KIF26B: variants seen among roughly 807,000 people sequenced by gnomAD.
The protein encoded by KIF26B is kinesin family member 26B.
In KIF26B, 63 loss-of-function variants were observed where a neutral mutation model predicts 151.2. That is an observed-to-expected ratio of 0.42 (90% CI 0.34 to 0.51). The LOEUF is 0.51. KIF26B is among the 20% of genes least tolerant of loss of function. The pLI is 0.07. For synonymous variants in KIF26B, 1,357 were observed against 1,262.1 expected, an observed-to-expected ratio of 1.08 and a Z score of -1.59; for missense variants, 2,813 against 2,913.6, an observed-to-expected ratio of 0.97 and a Z score of 0.79.
At chr1:245,524,414 T>A (rs1231855075) in intron 4 of KIF26B, among the ~76,000 whole-genome samples, 2 of 152,218 alleles carry the variant, frequency 1.3e-5, no homozygotes, top group Non-Finnish European at 2.9e-5. Context: ...GTTTTATTAT[T>A]CTTACCCAAT....
Position 245,687,284 on chromosome 1 carries a change from A to G in KIF26B, c.4301A>G (p.Glu1434Gly). The G allele has an allele frequency of 6.2e-7, 1 of 1,610,130 alleles. No homozygotes were observed. The change falls in exon 12 of 15, where the codon GAG (glutamate) becomes GGG (glycine). Residue 1434 changes from glutamate (E) to glycine (G), a missense_variant. Around this residue, in one of 3 missense-constraint regions of KIF26B, gnomAD observed 2,060 missense variants for 2,088.6 expected, o/e 0.99. Coordinates refer to ENST00000407071, the MANE Select transcript of KIF26B (RefSeq NM_018012.4). The surrounding 1 kb of genome is among the most constrained non-coding windows in gnomAD (Gnocchi z 4.9). ...AGTAAGGAAAACAGTGCAAAGAAAG[A>G]GATGAAATTTGAGGACCCGTGGCTG... ...RESKENSAKK[E>G]MKFEDPWLKR...
chr1:245,559,558 CACGCCCCCACACCTGCCTA>C (rs1166612802), intron 5 of KIF26B, among the ~76,000 whole-genome samples: 1 of 151,920 alleles, frequency 6.6e-6, no homozygotes, highest in Non-Finnish European at 1.5e-5. Context: ...GAGACAGGCG[CACGCCCCCACACCTGCCTA>C]ATTTTTTGTA....
At chr1:245,203,102 C>T (rs1669334038) in intron 2 of KIF26B, among the ~76,000 whole-genome samples, 1 of 151,542 alleles carries the variant, frequency 6.6e-6, no homozygotes, top group Non-Finnish European at 1.5e-5. Flanking sequence ...CAAAAATTAG[C>T]CAGGCATGGT....
At position 245,355,610 on chromosome 1, in the gene KIF26B, AAAG is replaced by A. The variant is rs896551223; in HGVS notation, c.466-11209_466-11207del. On this transcript the variant is annotated intron_variant, in intron 2 of 14. Transcript: ENST00000407071. ...GACCCTGTCTCAAAAAAAAAAAAAAAAAGAAGAAGAAGAAGAAAGAATTTAAAA... is the reference window on the plus strand; with the variant it reads ...GACCCTGTCTCAAAAAAAAAAAAAAAAAGAAGAAGAAGAAAGAATTTAAAA... 4.4e-3 allele frequency among the ~76,000 whole-genome samples: 560 copies of A among 125,920 alleles called. 4 individuals carry two copies. The highest frequency in any genetic ancestry group is 4.8e-3 in the African/African-American group (88 of 18,276). 82.6% of individuals were successfully genotyped at this position (125,920 alleles called of 152,430 possible).
intron 10 of KIF26B, among the ~76,000 whole-genome samples, chr1:245,661,865 TACATACAC>T (rs2044145130): frequency 2.0e-5 from 3 of 149,354 alleles, no homozygotes; most frequent in African/African-American, 7.4e-5. Context: ...CCCTATGATA[TACATACAC>T]ACATACCCCC....
chr1:245,526,257 C>G (rs1661233356), intron 4 of KIF26B, among the ~76,000 whole-genome samples: 1 of 152,152 alleles, frequency 6.6e-6, no homozygotes, highest in South Asian at 2.1e-4. Context: ...GCAAACACTC[C>G]AGCCCAGGTA....
chr1:245,574,717 C>T (rs1030906150), intron 5 of KIF26B, among the ~76,000 whole-genome samples: 5 of 152,138 alleles, frequency 3.3e-5, no homozygotes, highest in African/African-American at 7.2e-5. Context: ...TGACTAACAT[C>T]GTGGGTGTGA....
At chr1:245,314,245 T>C (rs1294179717) in intron 2 of KIF26B, among the ~76,000 whole-genome samples, 1 of 151,738 alleles carries the variant, frequency 6.6e-6, no homozygotes, top group Non-Finnish European at 1.5e-5. Flanking sequence ...GTCAGGAGCT[T>C]GAGACCAGCC....
chr1:245,241,007 C>A lies in KIF26B; in HGVS notation c.465+84324C>A, dbSNP rs1444832321. 6.6e-6 allele frequency among the ~76,000 whole-genome samples: 1 copy of A among 152,216 alleles called. No homozygotes were observed. Among genetic ancestry groups the A allele is most frequent in the Admixed American group, 6.5e-5 (1 of 15,286 alleles). ...CCCGCCCAGGGATCATGGATCTCCACCTTTTCCTACTCTTGGGTCTCACAG... is the reference window on the plus strand; with the variant it reads ...CCCGCCCAGGGATCATGGATCTCCAACTTTTCCTACTCTTGGGTCTCACAG... On this transcript the variant is annotated intron_variant, in intron 2 of 14. Transcript: ENST00000407071. This position sits in a 1 kb window ranked among gnomAD's most constrained non-coding sequence, Gnocchi z 5.0.
chr1:245,159,122 G>A (rs1668494358), intron 2 of KIF26B, among the ~76,000 whole-genome samples: 1 of 152,156 alleles, frequency 6.6e-6, no homozygotes. Context: ...CCAACATGCA[G>A]TTCGCTCAGT....
chr1:245,679,441 T>G (rs1375861906), intron 10 of KIF26B, among the ~76,000 whole-genome samples: 4 of 148,128 alleles, frequency 2.7e-5, no homozygotes, highest in African/African-American at 7.5e-5. Context: ...GGGTTTTTTG[T>G]GTTTTTTTTG....
chr1:245,579,251 C>T (rs1255827851), intron 5 of KIF26B, among the ~76,000 whole-genome samples: 2 of 152,102 alleles, frequency 1.3e-5, no homozygotes, highest in African/African-American at 4.8e-5. Flanking sequence ...AAACGAAGAA[C>T]ATTCTGGAAA....
chr1:245,344,006 G>T (rs1014202582), intron 2 of KIF26B, among the ~76,000 whole-genome samples: 1 of 152,092 alleles, frequency 6.6e-6, no homozygotes, highest in South Asian at 2.1e-4. Flanking sequence ...TGCAGGTAGG[G>T]CTCTGGCCTT....
At chr1:245,383,314 C>T (rs937443650) in intron 3 of KIF26B, among the ~76,000 whole-genome samples, 3 of 151,838 alleles carry the variant, frequency 2.0e-5, no homozygotes, top group East Asian at 1.9e-4. Flanking sequence ...TTTAGAAAAC[C>T]GAGGCATCCC....
intron 4 of KIF26B, among the ~76,000 whole-genome samples, chr1:245,433,637 G>A (rs778113439): frequency 6.6e-6 from 1 of 152,014 alleles, no homozygotes; most frequent in African/African-American, 2.4e-5. Context: ...TTTCAACACA[G>A]TTAGACTCAG....
chr1:245,350,477 C>CCT (rs1672544499), intron 2 of KIF26B, among the ~76,000 whole-genome samples: 1 of 152,162 alleles, frequency 6.6e-6, no homozygotes, highest in South Asian at 2.1e-4. Flanking sequence ...ATTCCAGTCT[C>CCT]ATCCCAGTGC....
At chr1:245,639,924 G>T (rs2043870834) in intron 9 of KIF26B, among the ~76,000 whole-genome samples, 1 of 151,526 alleles carries the variant, frequency 6.6e-6, no homozygotes. Context: ...TGAGAAGAAT[G>T]TGTATTTTGT....
intron 10 of KIF26B, among the ~76,000 whole-genome samples, chr1:245,665,337 CT>C (rs984364175): frequency 4.1e-4 from 63 of 152,212 alleles, no homozygotes; most frequent in African/African-American, 1.4e-3. Context: ...AACTGGAGTA[CT>C]TTTTTTGTAG....
intron 2 of KIF26B, among the ~76,000 whole-genome samples, chr1:245,181,514 TAA>T (rs369608495): frequency 5.1e-5 from 5 of 97,878 alleles, no homozygotes; most frequent in Non-Finnish European, 2.2e-5. Context: ...GTAGTAAAGT[TAA>T]AAAAAAAAAA....
Sources: gnomAD v4.1 joint callset for allele counts (sites outside exome capture counted in the v4.1 genomes callset) on GRCh38, gnomAD v4.1.1 for gene constraint, gnomAD v4.1.1 regional missense constraint, Gnocchi (gnomAD v3.1) non-coding constraint, MANE v1.5 for transcripts, NCBI Gene and HGNC (gene_info 2026-07-23, HGNC 2026-07-21) for gene names.